Variants in DTL observed in about 807,000 individuals in gnomAD.
DTL encodes denticleless E3 ubiquitin protein ligase adapter.
DTL carries 46 observed loss-of-function variants against 87.0 expected under a neutral mutation model. The ratio of observed to expected loss-of-function variants is 0.53; its 90% CI spans 0.42 to 0.68. DTL has a LOEUF of 0.68. DTL is among the 30% of genes least tolerant of loss of function. The pLI is 0.00. For synonymous variants in DTL, 308 were observed against 311.2 expected (o/e 0.99, Z 0.11); for missense variants, 737 against 869.4 (o/e 0.85, Z 1.91).
intron 11 of DTL, among the ~76,000 whole-genome samples, chr1:212,075,649 C>G (rs948999730): frequency 6.6e-6 from 1 of 152,136 alleles, no homozygotes; most frequent in Non-Finnish European, 1.5e-5. Context: ...TTCATAAAAA[C>G]GTGTTAGACA....
In DTL at chr1:212,044,706, T is replaced by C. The variant is rs762711505; in HGVS notation, c.225T>C (p.Phe75=). 1 of 1,613,580 alleles carries C rather than the reference T, an allele frequency of 6.2e-7. No homozygotes were observed. The highest frequency in any genetic ancestry group is 8.5e-7 in the Non-Finnish European group (1 of 1,179,734). Residue 75 remains phenylalanine (F), a synonymous_variant, in exon 3 of 15, where the codon TTT becomes TTC. Transcript: ENST00000366991. The part of the protein sequence containing the change: ...HVLAVANEEG[F]VRLYNTESQS... ...TAGCAGTTGCCAATGAAGAAGGCTT[T>C]GTTCGATTGTATAACACAGAATCAC...
chr1:212,093,619 C>T (rs1371468377), intron 13 of DTL, among the ~76,000 whole-genome samples: 2 of 152,224 alleles, frequency 1.3e-5, no homozygotes, highest in African/African-American at 2.4e-5. Context: ...GCTGGCCTGC[C>T]GGCCTGCCTA....
intron 8 of DTL, 21 bp downstream of exon 8, chr1:212,066,906 T>G: frequency 6.3e-7 from 1 of 1,591,918 alleles, no homozygotes. Flanking sequence ...ATTTCTTTTT[T>G]CTTCCGACGA....
rs1655653117 is a variant in DTL at position 212,102,511 on chromosome 1, T to C, written c.2095-331T>C. On this transcript the variant is annotated intron_variant, in intron 14 of 14. Coordinates refer to ENST00000366991, the MANE Select transcript of DTL (RefSeq NM_016448.4). ...AACATCTTCCATTTGAATACCTATC[T>C]TGTTTATAAATTGGGGGGGCTGATT... is the stretch of plus-strand genomic sequence containing the variant. Among the ~76,000 whole-genome samples, 2 of 152,206 alleles carry C rather than the reference T, an allele frequency of 1.3e-5. 1 individual carries two copies. Among genetic ancestry groups the C allele is most frequent in the South Asian group, 4.1e-4 (2 of 4,836 alleles).
intron 14 of DTL, 59 bp downstream of exon 14, chr1:212,101,143 A>C (rs12722945): frequency 8.8e-6 from 10 of 1,131,616 alleles, no homozygotes; most frequent in African/African-American, 1.6e-5. Flanking sequence ...AGACACCCAG[A>C]TGTCTCAAGT....
At chr1:212,045,414 T>C (rs1475543807) in intron 3 of DTL, among the ~76,000 whole-genome samples, 1 of 152,242 alleles carries the variant, frequency 6.6e-6, no homozygotes, top group Non-Finnish European at 1.5e-5. Context: ...GTTAAATCTT[T>C]AACACTTAAT....
At chr1:212,039,705 C>T (rs1667581712) in intron 1 of DTL, among the ~76,000 whole-genome samples, 1 of 152,186 alleles carries the variant, frequency 6.6e-6, no homozygotes, top group South Asian at 2.1e-4. Flanking sequence ...TATATTTTTC[C>T]TAGGCTATAA....
At chr1:212,045,255 A>G (rs1667773383) in intron 3 of DTL, among the ~76,000 whole-genome samples, 1 of 152,236 alleles carries the variant, frequency 6.6e-6, no homozygotes, top group African/African-American at 2.4e-5. Flanking sequence ...CACATTCCCA[A>G]TGATATTAAC....
At chr1:212,084,248 C>T (rs1189101915) in intron 13 of DTL, among the ~76,000 whole-genome samples, 2 of 149,784 alleles carry the variant, frequency 1.3e-5, no homozygotes, top group Non-Finnish European at 3.0e-5. Flanking sequence ...TGTCGCTGAG[C>T]CTGGAGTGCA....
intron 6 of DTL, 144 bp downstream of exon 6, chr1:212,063,093 G>C: frequency 3.1e-6 from 2 of 653,668 alleles, no homozygotes; most frequent in Non-Finnish European, 5.5e-6. Flanking sequence ...CCAGATCTCA[G>C]GATCTTCACT....
intron 13 of DTL, among the ~76,000 whole-genome samples, chr1:212,082,597 G>T (rs1655019564): frequency 6.6e-6 from 1 of 152,150 alleles, no homozygotes; most frequent in African/African-American, 2.4e-5. Flanking sequence ...TTGGAGAAAA[G>T]GTGGAATATA....
At chr1:212,044,151 T>TA (rs1571939539) in intron 2 of DTL, among the ~76,000 whole-genome samples, 1 of 152,132 alleles carries the variant, frequency 6.6e-6, no homozygotes, top group African/African-American at 2.4e-5. Flanking sequence ...AAAATATGGT[T>TA]AAAAAAACTA....
chr1:212,040,512 A>T (rs895297684), intron 1 of DTL, among the ~76,000 whole-genome samples: 1 of 152,274 alleles, frequency 6.6e-6, no homozygotes, highest in East Asian at 1.9e-4. Flanking sequence ...AATAAAAGTT[A>T]TGTGAAGGTG....
intron 8 of DTL, 44 bp from the exon 9 acceptor site, chr1:212,068,180 G>T: frequency 7.5e-7 from 1 of 1,325,628 alleles, no homozygotes. Context: ...GTTGTTTGGG[G>T]TTGGAAGAAG....
chr1:212,101,242 A>G (rs1292309484), intron 14 of DTL, among the ~76,000 whole-genome samples, 158 bp downstream of exon 14: 4 of 151,800 alleles, frequency 2.6e-5, no homozygotes, highest in African/African-American at 9.7e-5. Context: ...CAAATTTTGC[A>G]TGGGCCATAT....
intron 2 of DTL, among the ~76,000 whole-genome samples, chr1:212,043,498 G>A (rs1054567927): frequency 6.6e-6 from 1 of 152,142 alleles, no homozygotes; most frequent in African/African-American, 2.4e-5. Flanking sequence ...ACTTCAGCCA[G>A]GCTCAGTGGC....
At chr1:212,058,622 A>G (rs1002845524) in intron 5 of DTL, among the ~76,000 whole-genome samples, 6 of 152,078 alleles carry the variant, frequency 3.9e-5, no homozygotes, top group African/African-American at 1.2e-4. Context: ...GAATCTAACA[A>G]TGTACCTCAA....
At chr1:212,065,571 A>G (rs540334978) in intron 7 of DTL, among the ~76,000 whole-genome samples, 30 of 152,100 alleles carry the variant, frequency 2.0e-4, no homozygotes, top group African/African-American at 7.2e-4. Flanking sequence ...CACACACACA[A>G]ACACACCCCT....
At chr1:212,037,824 C>T (rs1005438744) in intron 1 of DTL, among the ~76,000 whole-genome samples, 1 of 152,184 alleles carries the variant, frequency 6.6e-6, no homozygotes, top group Non-Finnish European at 1.5e-5. Flanking sequence ...CCTCCTACCA[C>T]CACCCAGGTC....
Sources: gnomAD v4.1 joint callset for allele counts (sites outside exome capture counted in the v4.1 genomes callset) on GRCh38, gnomAD v4.1.1 for gene constraint, MANE v1.5 for transcripts, NCBI Gene and HGNC (gene_info 2026-07-23, HGNC 2026-07-21) for gene names.